GOLGA6L2: variants seen among roughly 807,000 people sequenced by gnomAD.
GOLGA6L2 encodes the protein golgin subfamily A member 6-like protein 2.
A neutral mutation model predicts 35.9 loss-of-function variants in GOLGA6L2; 30 were observed. The ratio of observed to expected loss-of-function variants is 0.83; its 90% CI spans 0.62 to 1.13. The LOEUF (loss-of-function observed/expected upper bound fraction) is 1.13, where lower values mean the gene tolerates loss of function less well. GOLGA6L2 is among the 50% of genes most tolerant of loss of function. The pLI, the probability that GOLGA6L2 is intolerant of heterozygous loss-of-function variation, is 0.00. For synonymous variants in GOLGA6L2, 297 were observed against 344.0 expected (o/e 0.86, Z 1.51); for missense variants, 821 against 973.4 (o/e 0.84, Z 2.08).
Position 23,439,540 on chromosome 15 carries a change from C to A in GOLGA6L2, c.*205G>T. ...CTGTAGGCCTTGTTGACAGTGCCAA[C>A]TTTTAGATATTGATGATCTTCATCT... On this transcript the variant is annotated 3_prime_UTR_variant, in exon 8 of 8. Transcript: ENST00000567107. 6.7e-7 allele frequency: 1 copy of A among 1,494,278 alleles called. No homozygotes were observed. Among genetic ancestry groups the A allele is most frequent in the Non-Finnish European group, 8.9e-7 (1 of 1,120,004 alleles). The allele number at this position is 1,494,278 out of a possible 1,614,324, so 92.6% of individuals were successfully genotyped here.
At chr15:23,444,580 G>T in intron 2 of GOLGA6L2, 80 bp from the exon 3 acceptor site, 1 of 1,326,052 alleles carries the variant, frequency 7.5e-7, no homozygotes, top group Non-Finnish European at 1.1e-6. Flanking sequence ...GTACGCAGGG[G>T]TCAGGAATGG....
Position 23,440,667 on chromosome 15 carries a change from C to G in GOLGA6L2, c.1808G>C (p.Gly603Ala). The part of the protein sequence containing the change: ...NAGAEEDVAA[G>A]GEDAGGEEDA... Reference sequence around the variant, plus strand: ...TTCTTCTCCTCCCGCATCTTCTCCTCCTGCTGCCACATCTTCTTCTGCTCC... The same window carrying G: ...TTCTTCTCCTCCCGCATCTTCTCCTGCTGCTGCCACATCTTCTTCTGCTCC... The change falls in exon 8 of 8, where the codon GGA (glycine) becomes GCA (alanine). Residue 603 changes from glycine (G) to alanine (A), a missense_variant. By Grantham distance (60) the Gly-to-Ala change is moderately conservative (BLOSUM62 0). Coordinates refer to ENST00000567107, the MANE Select transcript of GOLGA6L2 (RefSeq NM_001304388.2). 4.1e-6 allele frequency: 6 copies of G among 1,448,804 alleles called. No individual in the cohort carries two copies. The highest frequency in any genetic ancestry group is 5.6e-6 in the Non-Finnish European group (6 of 1,070,340). The allele number at this position is 1,448,804 out of a possible 1,614,324, so 89.7% of individuals were successfully genotyped here.
rs542211117 is a variant in GOLGA6L2 at position 23,446,314 on chromosome 15, T to C, written c.84+784A>G. Among the ~76,000 whole-genome samples, 124 of 152,084 alleles carry C rather than the reference T, an allele frequency of 8.2e-4. 1 individual carries two copies. The highest frequency in any genetic ancestry group is 1.6e-4 in the Non-Finnish European group (11 of 67,954). On this transcript the variant is annotated intron_variant, in intron 1 of 7. Coordinates refer to ENST00000567107, the MANE Select transcript of GOLGA6L2 (RefSeq NM_001304388.2). ...CATTTTGAGTTCACAGGGGGAGGTG[T>C]AGGCTTTTCAAACTGTCAATGTCTG... is the stretch of plus-strand genomic sequence containing the variant.
chr15:23,443,920 T>TC lies in GOLGA6L2; in HGVS notation c.447dup (p.Ser150GlufsTer72), dbSNP rs1428213945. 6.4e-7 allele frequency: 1 copy of TC among 1,550,634 alleles called. No individual in the cohort carries two copies. The highest frequency in any genetic ancestry group is 1.9e-5 in the Admixed American group (1 of 52,464). On this transcript the variant is annotated frameshift_variant, in exon 5 of 8. Transcript: ENST00000567107. LOFTEE classifies it high-confidence loss of function. Reference sequence around the variant, plus strand: ...GAGGTTGAGACACAGCCCAAAGGACTCCCCCTAAAGGCCTGTGAAAGTGCC... The same window carrying TC: ...GAGGTTGAGACACAGCCCAAAGGACTCCCCCCTAAAGGCCTGTGAAAGTGCC...
At chr15:23,443,652 G>C (rs1188068685) in intron 5 of GOLGA6L2, 125 bp downstream of exon 5, 1 of 852,464 alleles carries the variant, frequency 1.2e-6, no homozygotes, top group Non-Finnish European at 1.9e-6. Context: ...ACACACAAAA[G>C]CAGCAAGAAA....
chr15:23,441,788 GTT>G, intron 7 of GOLGA6L2, 106 bp from the exon 8 acceptor site: 1 of 1,360,280 alleles, frequency 7.4e-7, no homozygotes, highest in Non-Finnish European at 9.7e-7. Flanking sequence ...TAACACTGAG[GTT>G]CTGATTTCCC....
In GOLGA6L2 at chr15:23,439,652, A is replaced by G; in HGVS notation, c.*93T>C. ...CTGGGCGTTCTTCATCCCACAAAAC[A>G]GCTGCATGATCTCCTGTGCAGTGGG... On this transcript the variant is annotated 3_prime_UTR_variant, in exon 8 of 8. Coordinates refer to ENST00000567107, the MANE Select transcript of GOLGA6L2 (RefSeq NM_001304388.2). 2 of 1,536,824 alleles carry G rather than the reference A, an allele frequency of 1.3e-6. No homozygotes were observed. Among genetic ancestry groups the G allele is most frequent in the Non-Finnish European group, 1.7e-6 (2 of 1,147,032 alleles).
chr15:23,441,540 T>C lies in GOLGA6L2; in HGVS notation c.935A>G (p.Gln312Arg). Residue 312 changes from glutamine (Q) to arginine (R), a missense_variant, in exon 8 of 8, where the codon CAG (glutamine) becomes CGG (arginine). Around this residue, in one of 7 missense-constraint regions of GOLGA6L2, gnomAD observed 614 missense variants for 632.3 expected, o/e 0.97. Coordinates refer to ENST00000567107, the MANE Select transcript of GOLGA6L2 (RefSeq NM_001304388.2). ...LREQEGKMRE[Q>R]EEKMRRQEKR... ...CTCCTGTCTCCGCATCTTCTCCTCCTGCTCCCGCATCTTCCCCTCCTGCTC... is the reference window on the plus strand; with the variant it reads ...CTCCTGTCTCCGCATCTTCTCCTCCCGCTCCCGCATCTTCCCCTCCTGCTC... 2 of 1,451,666 alleles carry C rather than the reference T, an allele frequency of 1.4e-6. No individual in the cohort carries two copies. The highest frequency in any genetic ancestry group is 1.8e-6 in the Non-Finnish European group (2 of 1,092,914). 89.9% of individuals were successfully genotyped at this position (1,451,666 alleles called of 1,614,324 possible).
At chr15:23,444,657 A>G (rs1886739377) in intron 2 of GOLGA6L2, among the ~76,000 whole-genome samples, 157 bp from the exon 3 acceptor site, 3 of 152,158 alleles carry the variant, frequency 2.0e-5, no homozygotes, top group Admixed American at 6.5e-5. Context: ...CTCCCAAAGA[A>G]GAGATTTGGG....
intron 3 of GOLGA6L2, 31 bp from the exon 4 acceptor site, chr15:23,444,243 A>C (rs1264761616): frequency 6.3e-7 from 1 of 1,598,082 alleles, no homozygotes. Flanking sequence ...AGCTCTTACT[A>C]GGGGGAGGCA....
chr15:23,441,224 C>A lies in GOLGA6L2; in HGVS notation c.1251G>T (p.Glu417Asp), dbSNP rs1204626319. Residue 417 changes from glutamate to aspartate, a missense_variant, in exon 8 of 8, where the codon GAG becomes GAT. Transcript: ENST00000567107. ...REKEERMREQ[E>D]KMWEQVEKMR... Reference sequence around the variant, plus strand: ...TCTTCTCCACCTGCTCCCACATCTTCTCCTGCTCCCGCATCCTCTCCTCCT... The same window carrying A: ...TCTTCTCCACCTGCTCCCACATCTTATCCTGCTCCCGCATCCTCTCCTCCT... 4 of 1,539,580 alleles carry A rather than the reference C, an allele frequency of 2.6e-6. No homozygotes were observed. Among genetic ancestry groups the A allele is most frequent in the Non-Finnish European group, 2.6e-6 (3 of 1,146,554 alleles).
In GOLGA6L2 at chr15:23,440,903, C is replaced by A. The variant is rs955273038; in HGVS notation, c.1572G>T (p.Glu524Asp). The change falls in exon 8 of 8, where the codon GAG becomes GAT. Residue 524 changes from glutamate to aspartate, a missense_variant. Glu to Asp is a conservative substitution (Grantham distance 45). Coordinates refer to ENST00000567107, the MANE Select transcript of GOLGA6L2 (RefSeq NM_001304388.2). ...WEQEEKIRDQ[E>D]EMWGQEKKMW... Reference sequence around the variant, plus strand: ...TCTTCTTCTCCTGCCCCCACATCTCCTCCTGGTCCCGTATCTTCTCCTCCT... The same window carrying A: ...TCTTCTTCTCCTGCCCCCACATCTCATCCTGGTCCCGTATCTTCTCCTCCT... 4.3e-5 allele frequency: 64 copies of A among 1,476,670 alleles called. No homozygotes were observed. The highest frequency in any genetic ancestry group is 5.7e-5 in the Non-Finnish European group (62 of 1,096,290). 91.5% of individuals were successfully genotyped at this position (1,476,670 alleles called of 1,614,324 possible). A position where few individuals can be genotyped will look rare whatever the true frequency, so the allele number is the denominator to read the frequency against.
intron 5 of GOLGA6L2, among the ~76,000 whole-genome samples, chr15:23,443,562 T>A (rs2070722530): frequency 6.6e-6 from 1 of 152,192 alleles, no homozygotes; most frequent in Non-Finnish European, 1.5e-5. Context: ...CTTGGAGCTC[T>A]GTGTCCAGTG....
chr15:23,442,196 C>T (rs546088261), intron 6 of GOLGA6L2, 76 bp from the exon 7 acceptor site: 21 of 1,475,912 alleles, frequency 1.4e-5, no homozygotes, highest in Admixed American at 1.2e-4. Flanking sequence ...CCTCTACTCT[C>T]GCCCCACAAG....
At chr15:23,442,540 A>T in intron 5 of GOLGA6L2, 32 bp from the exon 6 acceptor site, 1 of 1,571,274 alleles carries the variant, frequency 6.4e-7, no homozygotes, top group African/African-American at 1.3e-5. Flanking sequence ...GTCAGGACAG[A>T]GCAGGCAGAA....
In GOLGA6L2 at chr15:23,444,068, C is replaced by A. The variant is rs781746294; in HGVS notation, c.300G>T (p.Gln100His). ...ACGTGAGAATTCGTATTGTATGATCCTGGGCCTTTGGGAGAAAAGACAAGC... is the reference window on the plus strand; with the variant it reads ...ACGTGAGAATTCGTATTGTATGATCATGGGCCTTTGGGAGAAAAGACAAGC... ...QEALRREIEA[Q>H]DHTIRILTCQ... is the part of the protein sequence containing the mutation. The change falls in exon 5 of 8, where the codon CAG (glutamine) becomes CAT (histidine). Residue 100 changes from glutamine to histidine, a missense_variant. By Grantham distance (24) the Gln-to-His change is conservative (BLOSUM62 0). Coordinates refer to ENST00000567107, the MANE Select transcript of GOLGA6L2 (RefSeq NM_001304388.2). The A allele has an allele frequency of 6.4e-7, 1 of 1,567,606 alleles. No individual in the cohort carries two copies. Among genetic ancestry groups the A allele is most frequent in the Non-Finnish European group, 8.6e-7 (1 of 1,162,166 alleles).
At chr15:23,443,209 A>G (rs78957448) in intron 5 of GOLGA6L2, among the ~76,000 whole-genome samples, 1 of 152,130 alleles carries the variant, frequency 6.6e-6, no homozygotes, top group South Asian at 2.1e-4. Flanking sequence ...CACAGATAAG[A>G]AGGAGGAAAT....
intron 5 of GOLGA6L2, among the ~76,000 whole-genome samples, chr15:23,443,547 T>C (rs2070722353): frequency 6.6e-6 from 1 of 152,216 alleles, no homozygotes; most frequent in Admixed American, 6.5e-5. Flanking sequence ...GGGCAGGCTC[T>C]TGGCCTTGGA....
chr15:23,446,659 G>C lies in GOLGA6L2; in HGVS notation c.84+439C>G, dbSNP rs113911971. Reference sequence around the variant, plus strand: ...AGGTCCTTGGAGACGTGAGCCCAAAGAGCCCAGGGAGGTAGGGCTTGGGGC... The same window carrying C: ...AGGTCCTTGGAGACGTGAGCCCAAACAGCCCAGGGAGGTAGGGCTTGGGGC... On this transcript the variant is annotated intron_variant, in intron 1 of 7. Coordinates refer to ENST00000567107, the MANE Select transcript of GOLGA6L2 (RefSeq NM_001304388.2). Among the ~76,000 whole-genome samples the C allele has an allele frequency of 6.4e-3, 975 of 152,300 alleles. 9 individuals carry two copies. Among genetic ancestry groups the C allele is most frequent in the African/African-American group, 0.022 (924 of 41,560 alleles).
Sources: gnomAD v4.1 joint callset for allele counts (sites outside exome capture counted in the v4.1 genomes callset) on GRCh38, gnomAD v4.1.1 for gene constraint, gnomAD v4.1.1 regional missense constraint, MANE v1.5 for transcripts, NCBI Gene and HGNC (gene_info 2026-07-23, HGNC 2026-07-21) for gene names.